ARMC2: variants seen among roughly 807,000 people sequenced by gnomAD.
The protein encoded by ARMC2 is armadillo repeat containing 2, also known as armadillo repeat-containing protein 2.
Under a neutral mutation model 90.3 loss-of-function variants are expected in ARMC2, and 67 were observed. The observed-to-expected ratio is 0.74, with a 90% CI of 0.61 to 0.91. The LOEUF is 0.91. Ranked by LOEUF, ARMC2 falls within the 40% of genes least tolerant of loss-of-function variation. The pLI is 0.00. For missense variants in ARMC2, 920 were observed against 1,030.9 expected, an observed-to-expected ratio of 0.89 and a Z score of 1.47; for synonymous variants, 393 against 393.0, an observed-to-expected ratio of 1.00 and a Z score of 0.00.
At chr6:109,002,273 C>G in the ARMC2 span, 1 of 1,612,310 alleles carries the variant, frequency 6.2e-7, no homozygotes, top group Admixed American at 1.7e-5. Context: ...TCACAAACAA[C>G]GTACCTCCTT....
chr6:108,973,045 G>A (rs1368828253), intron 17 of ARMC2, among the ~76,000 whole-genome samples: 2 of 152,080 alleles, frequency 1.3e-5, no homozygotes, highest in Non-Finnish European at 2.9e-5. Flanking sequence ...TGGGCTTGGC[G>A]AGGTAGCGCA....
the ARMC2 span, among the ~76,000 whole-genome samples, chr6:109,026,757 C>G: frequency 6.6e-6 from 1 of 152,186 alleles, no homozygotes; most frequent in Non-Finnish European, 1.5e-5. Context: ...CCCGCCTCAG[C>G]CTCCCAAAGT....
At chr6:108,990,812 A>G in the ARMC2 span, 3 of 1,613,998 alleles carry the variant, frequency 1.9e-6, no homozygotes, top group East Asian at 2.2e-5. Context: ...CCAAAGAATA[A>G]CCATGATCTT....
intron 4 of ARMC2, among the ~76,000 whole-genome samples, chr6:108,871,429 G>C (rs1776405142): frequency 6.6e-6 from 1 of 152,024 alleles, no homozygotes; most frequent in Non-Finnish European, 1.5e-5. Context: ...AATCAGAAAG[G>C]GTTGGTAATT....
intron 6 of ARMC2, among the ~76,000 whole-genome samples, chr6:108,899,490 T>C (rs1428456143): frequency 1.3e-5 from 2 of 152,244 alleles, no homozygotes; most frequent in African/African-American, 2.4e-5. Context: ...TCTGATTTTT[T>C]ACATTATCCA....
chr6:108,870,446 G>A (rs1562334503), intron 4 of ARMC2, among the ~76,000 whole-genome samples: 2 of 151,838 alleles, frequency 1.3e-5, no homozygotes, highest in South Asian at 2.1e-4. Context: ...TCACTTGCCT[G>A]TGTGGTCCCT....
chr6:109,017,576 C>G, the ARMC2 span, among the ~76,000 whole-genome samples: 1 of 152,082 alleles, frequency 6.6e-6, no homozygotes, highest in Non-Finnish European at 1.5e-5. Context: ...TGAGCCACCG[C>G]GCCCGGCCCA....
At chr6:108,965,822 ATT>A (rs1226892659) in intron 17 of ARMC2, among the ~76,000 whole-genome samples, 1 of 145,874 alleles carries the variant, frequency 6.9e-6, no homozygotes, top group Admixed American at 6.9e-5. Flanking sequence ...TTAAAAAAAA[ATT>A]TTTTTTTTTG....
intron 10 of ARMC2, among the ~76,000 whole-genome samples, chr6:108,923,492 C>T (rs2806380): frequency 0.73 from 109,022 of 150,072 alleles, 40,010 homozygotes; most frequent in Middle Eastern, 0.8. Context: ...TTCTTGTTTT[C>T]TTTTTTTTAA....
intron 17 of ARMC2, among the ~76,000 whole-genome samples, chr6:108,971,278 G>T (rs1272136000): frequency 2.0e-5 from 3 of 152,160 alleles, no homozygotes; most frequent in Non-Finnish European, 4.4e-5. Context: ...TAGCCAAACA[G>T]GAAGAGCTCT....
chr6:108,931,995 C>A (rs902895916), intron 11 of ARMC2, among the ~76,000 whole-genome samples: 2 of 151,762 alleles, frequency 1.3e-5, no homozygotes, highest in African/African-American at 4.9e-5. Context: ...GAACTCCCGA[C>A]CTCAGGTGAT....
At chr6:109,020,363 CAA>C in the ARMC2 span, among the ~76,000 whole-genome samples, 9 of 152,002 alleles carry the variant, frequency 5.9e-5, no homozygotes, top group African/African-American at 1.7e-4. Flanking sequence ...CTGTATACAT[CAA>C]GTTACCATTA....
chr6:108,955,545 C>A (rs1306793941), intron 13 of ARMC2, among the ~76,000 whole-genome samples: 1 of 152,178 alleles, frequency 6.6e-6, no homozygotes, highest in Non-Finnish European at 1.5e-5. Context: ...TCACCGGGCC[C>A]CTGACCTGTG....
the ARMC2 span, among the ~76,000 whole-genome samples, chr6:109,046,170 T>C: frequency 6.6e-6 from 1 of 151,088 alleles, no homozygotes; most frequent in Admixed American, 6.6e-5. Context: ...ACTGCTGCCA[T>C]CTCGGCTCAC....
At chr6:108,896,417 T>C (rs565506151) in intron 6 of ARMC2, among the ~76,000 whole-genome samples, 4 of 152,324 alleles carry the variant, frequency 2.6e-5, no homozygotes, top group African/African-American at 9.6e-5. Flanking sequence ...TGTGTGTTTG[T>C]GTGTATCTTA....
At chr6:108,928,366 A>G in intron 11 of ARMC2, 133 bp downstream of exon 11, 1 of 926,610 alleles carries the variant, frequency 1.1e-6, no homozygotes. Flanking sequence ...AGAAAGGGTA[A>G]ATCTAGTGGC....
intron 10 of ARMC2, among the ~76,000 whole-genome samples, chr6:108,919,514 A>T (rs940389645): frequency 6.8e-6 from 1 of 146,246 alleles, no homozygotes; most frequent in South Asian, 2.2e-4. Context: ...GTTCTTACAG[A>T]TAATTTTTTT....
Position 108,928,073 on chromosome 6 carries a change from A to G in ARMC2, c.1351-15A>G, listed in dbSNP as rs981988656. On this transcript the variant is annotated splice_polypyrimidine_tract_variant and intron_variant, in intron 10 of 17. Transcript: ENST00000392644. ...TCAGTTCAAAAAAAATGGCACAAGC[A>G]TGCTTTTATCCTAGGTGACTGCTAC... is the stretch of plus-strand genomic sequence containing the variant. 1.9e-6 allele frequency: 3 copies of G among 1,589,834 alleles called. No homozygotes were observed. The highest frequency in any genetic ancestry group is 1.4e-5 in the African/African-American group (1 of 73,542).
chr6:108,866,929 T>C (rs1481900328), intron 3 of ARMC2, among the ~76,000 whole-genome samples: 5 of 152,124 alleles, frequency 3.3e-5, no homozygotes, highest in Admixed American at 6.6e-5. Context: ...CACCCTAATA[T>C]AGATGTCTAT....
Sources: gnomAD v4.1 joint callset for allele counts (sites outside exome capture counted in the v4.1 genomes callset) on GRCh38, gnomAD v4.1.1 for gene constraint, MANE v1.5 for transcripts, NCBI Gene and HGNC (gene_info 2026-07-23, HGNC 2026-07-21) for gene names.